FANCB: variants seen among roughly 807,000 people sequenced by gnomAD.
FANCB encodes the protein FA complementation group B, also known as Fanconi anemia group B protein.
A neutral mutation model predicts 38.9 loss-of-function variants in FANCB; 5 were observed. The observed-to-expected ratio is 0.13, with a 90% confidence interval of 0.07 to 0.27. FANCB has a LOEUF of 0.27. Ranked by LOEUF, FANCB falls within the 10% of genes least tolerant of loss-of-function variation. FANCB has a pLI of 1.00. For missense variants in FANCB, 573 were observed against 602.7 expected (o/e 0.95, Z 0.52); for synonymous variants, 236 against 215.4 (o/e 1.10, Z -0.84).
the FANCB span, among the ~76,000 whole-genome samples, chrX:14,743,102 C>T: frequency 8.9e-6 from 1 of 111,852 alleles, no homozygotes; most frequent in Non-Finnish European, 1.9e-5. Flanking sequence ...TGCATAATAA[C>T]CATCATCAAA....
chrX:14,826,326 C>T, the FANCB span, among the ~76,000 whole-genome samples: 1,615 of 111,834 alleles, frequency 0.014, 33 homozygotes, highest in African/African-American at 0.05. Context: ...TGTTTCACAG[C>T]CTGTCCCTAG....
chrX:14,834,605 T>C, downstream of FANCB: 1 of 554,004 alleles, frequency 1.8e-6, no homozygotes, highest in Non-Finnish European at 3.1e-6. Context: ...TTGCTTGCAT[T>C]TTTGCTTTAA....
At chrX:14,854,344 C>T (rs965726848) in intron 5 of FANCB, among the ~76,000 whole-genome samples, 5 of 111,613 alleles carry the variant, frequency 4.5e-5, no homozygotes, top group African/African-American at 1.6e-4. Flanking sequence ...GTTCACTCTT[C>T]CTTCCTCCTT....
the FANCB span, among the ~76,000 whole-genome samples, chrX:14,761,571 G>A: frequency 9.0e-5 from 10 of 111,223 alleles, no homozygotes; most frequent in Non-Finnish European, 1.7e-4. Flanking sequence ...GTAGATGGCA[G>A]TGTTACCCAA....
At chrX:14,786,663 A>C in the FANCB span, among the ~76,000 whole-genome samples, 1 of 111,818 alleles carries the variant, frequency 8.9e-6, no homozygotes, top group South Asian at 3.7e-4. Flanking sequence ...GCAATAAGAA[A>C]GTGAGGAGAA....
Position 14,845,228 on chromosome X carries a change from G to A in FANCB, c.1555C>T (p.Arg519Trp). Residue 519 changes from arginine (R) to tryptophan (W), a missense_variant, in exon 8 of 10, where the codon CGG (arginine) becomes TGG (tryptophan). Transcript: ENST00000650831. Reference protein sequence around the residue: ...LMDQAHDSRFRLLKCQNRVIK... With the variant: ...LMDQAHDSRFWLLKCQNRVIK... ...ACCCTATTTTGACACTTTAGAAGCC[G>A]AAATCTGGAGTCATGGGCTTGATCC... 3 of 1,209,309 alleles carry A rather than the reference G, an allele frequency of 2.5e-6. No individual in the cohort carries two copies. Among genetic ancestry groups the A allele is most frequent in the Non-Finnish European group, 1.1e-6 (1 of 893,649 alleles).
chrX:14,820,941 C>T, the FANCB span, among the ~76,000 whole-genome samples: 1 of 111,216 alleles, frequency 9.0e-6, no homozygotes, highest in Non-Finnish European at 1.9e-5. Flanking sequence ...GCATTCTCTC[C>T]TTCTTAGGTA....
chrX:14,855,712 A>G (rs763447228), intron 5 of FANCB, among the ~76,000 whole-genome samples: 25 of 112,107 alleles, frequency 2.2e-4, no homozygotes, highest in Non-Finnish European at 2.8e-4. Context: ...TATTCTGTGG[A>G]CAGCTCATTT....
At chrX:14,696,500 T>C in the FANCB span, among the ~76,000 whole-genome samples, 2 of 111,698 alleles carry the variant, frequency 1.8e-5, no homozygotes, top group African/African-American at 3.3e-5. Flanking sequence ...GAGGATGGGG[T>C]CTATTATCCA....
At chrX:14,768,788 G>C in the FANCB span, among the ~76,000 whole-genome samples, 2 of 110,989 alleles carry the variant, frequency 1.8e-5, no homozygotes, top group Admixed American at 1.9e-4. Context: ...TATGATATTG[G>C]CTGTGGGTTT....
chrX:14,749,063 G>A, the FANCB span, among the ~76,000 whole-genome samples: 1 of 111,713 alleles, frequency 9.0e-6, no homozygotes, highest in Non-Finnish European at 1.9e-5. Context: ...TGTGTCTCAT[G>A]TGAGGGGTAC....
chrX:14,735,057 A>G, the FANCB span, among the ~76,000 whole-genome samples: 4 of 108,406 alleles, frequency 3.7e-5, no homozygotes, highest in Admixed American at 2.0e-4. Flanking sequence ...CGAAGTTCTC[A>G]TGCTGTGTTC....
the FANCB span, among the ~76,000 whole-genome samples, chrX:14,826,120 A>G: frequency 8.9e-6 from 1 of 112,362 alleles, no homozygotes; most frequent in African/African-American, 3.2e-5. Flanking sequence ...AGAAATTTCA[A>G]TCTGCCTTTT....
At chrX:14,702,264 G>A in the FANCB span, among the ~76,000 whole-genome samples, 2 of 111,626 alleles carry the variant, frequency 1.8e-5, no homozygotes, top group African/African-American at 6.5e-5. Context: ...ATAAATGATA[G>A]AATGCTACAA....
At chrX:14,790,867 G>A in the FANCB span, among the ~76,000 whole-genome samples, 2 of 111,399 alleles carry the variant, frequency 1.8e-5, no homozygotes, top group Non-Finnish European at 3.8e-5. Context: ...AATTGGGATG[G>A]TTAGTGGGGT....
downstream of FANCB, among the ~76,000 whole-genome samples, chrX:14,843,171 C>T (rs1251852433): frequency 9.0e-6 from 1 of 111,673 alleles, no homozygotes; most frequent in East Asian, 2.8e-4. Context: ...GACGGGATTT[C>T]TCAACCTCTG....
intron 5 of FANCB, among the ~76,000 whole-genome samples, chrX:14,856,794 G>A (rs375933104): frequency 2.7e-5 from 3 of 111,286 alleles, no homozygotes; most frequent in East Asian, 5.6e-4. Context: ...AGGGGGAAGG[G>A]GGAATTATTC....
chrX:14,819,923 C>T, the FANCB span, among the ~76,000 whole-genome samples: 4 of 111,561 alleles, frequency 3.6e-5, no homozygotes, highest in Admixed American at 2.8e-4. Flanking sequence ...AAATTGTAGC[C>T]GGAGTACTCT....
the FANCB span, among the ~76,000 whole-genome samples, chrX:14,770,421 G>A: frequency 9.0e-6 from 1 of 111,524 alleles, no homozygotes; most frequent in Non-Finnish European, 1.9e-5. Context: ...ATCTTTGTTG[G>A]TTTAAAGTAT....
Sources: gnomAD v4.1 joint callset for allele counts (sites outside exome capture counted in the v4.1 genomes callset) on GRCh38, gnomAD v4.1.1 for gene constraint, MANE v1.5 for transcripts, NCBI Gene and HGNC (gene_info 2026-07-23, HGNC 2026-07-21) for gene names.